ARB2A: variants seen among roughly 807,000 people sequenced by gnomAD.
ARB2A encodes the protein cotranscriptional regulator ARB2A.
chr5:93,928,677 G>A, the ARB2A span, among the ~76,000 whole-genome samples: 1 of 152,124 alleles, frequency 6.6e-6, no homozygotes, highest in African/African-American at 2.4e-5. Flanking sequence ...GATCGTAAGA[G>A]TTAGGTAATC....
chr5:94,056,582 G>A, the ARB2A span, among the ~76,000 whole-genome samples: 5 of 152,062 alleles, frequency 3.3e-5, no homozygotes, highest in Non-Finnish European at 7.4e-5. Flanking sequence ...GATATGACAC[G>A]ACTGTTTTTA....
At chr5:94,064,505 T>A in the ARB2A span, among the ~76,000 whole-genome samples, 2 of 152,058 alleles carry the variant, frequency 1.3e-5, no homozygotes, top group African/African-American at 4.8e-5. Flanking sequence ...AAATCCCCAA[T>A]CAAATACAAT....
chr5:93,832,680 T>G, the ARB2A span, among the ~76,000 whole-genome samples: 5 of 152,288 alleles, frequency 3.3e-5, no homozygotes, highest in Non-Finnish European at 5.9e-5. Context: ...AAAAGTCATC[T>G]CAGATCCAGA....
chr5:93,835,781 T>C, the ARB2A span, among the ~76,000 whole-genome samples: 4 of 152,302 alleles, frequency 2.6e-5, no homozygotes, highest in East Asian at 7.7e-4. Context: ...AGTATTGCCA[T>C]TGATTTGCTA....
At chr5:93,663,481 G>A in the ARB2A span, among the ~76,000 whole-genome samples, 1 of 152,122 alleles carries the variant, frequency 6.6e-6, no homozygotes, top group South Asian at 2.1e-4. Context: ...GAGGAAATGA[G>A]GAAAGAAGCT....
chr5:94,072,007 TAG>T, the ARB2A span, among the ~76,000 whole-genome samples: 19 of 152,100 alleles, frequency 1.2e-4, no homozygotes, highest in African/African-American at 4.6e-4. Context: ...ATGGCATATC[TAG>T]ACAATGGAAT....
At chr5:93,703,110 C>T in the ARB2A span, among the ~76,000 whole-genome samples, 1 of 152,056 alleles carries the variant, frequency 6.6e-6, no homozygotes, top group South Asian at 2.1e-4. Context: ...GGACTTTGGC[C>T]TCCTCATGAA....
At chr5:93,752,360 T>A in the ARB2A span, among the ~76,000 whole-genome samples, 1 of 152,206 alleles carries the variant, frequency 6.6e-6, no homozygotes, top group African/African-American at 2.4e-5. Flanking sequence ...TCAAAACTTA[T>A]AATTTTAAGT....
the ARB2A span, chr5:94,111,605 G>C: frequency 2.6e-5 from 4 of 152,258 alleles, no homozygotes; most frequent in Admixed American, 6.5e-5. Flanking sequence ...CGGTTGTTAT[G>C]ACTTTCCCTC....
chr5:93,740,599 G>C, the ARB2A span: 2 of 1,598,956 alleles, frequency 1.3e-6, no homozygotes, highest in Admixed American at 3.3e-5. Context: ...GAGGCCCAGA[G>C]TGGTGGCTGG....
At chr5:93,816,952 G>A in the ARB2A span, among the ~76,000 whole-genome samples, 1 of 151,778 alleles carries the variant, frequency 6.6e-6, no homozygotes, top group Non-Finnish European at 1.5e-5. Flanking sequence ...TCTAGCCAGG[G>A]GAATTTGGCA....
chr5:93,749,322 A>C, the ARB2A span, among the ~76,000 whole-genome samples: 5 of 152,168 alleles, frequency 3.3e-5, no homozygotes, highest in African/African-American at 9.6e-5. Flanking sequence ...TCTGTTATTC[A>C]CACAGAGATC....
chr5:93,888,034 T>A, the ARB2A span, among the ~76,000 whole-genome samples: 1 of 151,898 alleles, frequency 6.6e-6, no homozygotes, highest in South Asian at 2.1e-4. Context: ...TTCTGACATG[T>A]CAGGTCATCC....
the ARB2A span, among the ~76,000 whole-genome samples, chr5:93,654,146 A>G: frequency 1.3e-5 from 2 of 152,224 alleles, no homozygotes; most frequent in African/African-American, 4.8e-5. Flanking sequence ...AACAGAAAAA[A>G]ATGAAAACCG....
chr5:93,758,967 T>C, the ARB2A span, among the ~76,000 whole-genome samples: 1 of 151,956 alleles, frequency 6.6e-6, no homozygotes, highest in Non-Finnish European at 1.5e-5. Context: ...AAGCTGATCA[T>C]TTGAAAAGAT....
the ARB2A span, chr5:93,824,236 T>C: frequency 1.4e-5 from 22 of 1,594,304 alleles, no homozygotes; most frequent in Admixed American, 1.7e-5. Context: ...ATCCCAAACA[T>C]AGATTGCATG....
At chr5:93,842,065 A>G in the ARB2A span, among the ~76,000 whole-genome samples, 177 of 152,346 alleles carry the variant, frequency 1.2e-3, 1 homozygote, top group African/African-American at 4.0e-3. Flanking sequence ...AAAAGACTAC[A>G]TGCAATATGT....
chr5:93,735,147 A>G, the ARB2A span: 5 of 151,984 alleles, frequency 3.3e-5, no homozygotes, highest in Admixed American at 3.3e-4. Context: ...TTTTCTCCCA[A>G]CTCTAAGGGT....
chr5:93,619,505 G>A, the ARB2A span: 1 of 152,162 alleles, frequency 6.6e-6, no homozygotes, highest in Non-Finnish European at 1.5e-5. Flanking sequence ...TTACTTTTCT[G>A]AGGCATTAGA....
Sources: gnomAD v4.1 joint callset for allele counts (sites outside exome capture counted in the v4.1 genomes callset) on GRCh38, gnomAD v4.1.1 for gene constraint, MANE v1.5 for transcripts, NCBI Gene and HGNC (gene_info 2026-07-23, HGNC 2026-07-21) for gene names.